Variants in COL17A1 observed in about 807,000 individuals in gnomAD.
COL17A1 encodes collagen alpha-1(XVII) chain.
A neutral mutation model predicts 218.4 loss-of-function variants in COL17A1; 181 were observed. The observed-to-expected ratio is 0.83, with a 90% CI of 0.73 to 0.94. COL17A1 has a LOEUF of 0.94. Among genes scored for constraint, COL17A1 ranks in the 40% least tolerant of loss-of-function variants. The pLI, the probability that COL17A1 is intolerant of heterozygous loss-of-function variation, is 0.00. For missense variants in COL17A1, 1,924 were observed against 1,945.9 expected (o/e 0.99, Z 0.21); for synonymous variants, 721 against 731.0 (o/e 0.99, Z 0.22).
chr10:104,035,863 TATGG>T (rs1564670925), intron 48 of COL17A1, among the ~76,000 whole-genome samples: 1 of 28,592 alleles, frequency 3.5e-5, no homozygotes, highest in African/African-American at 7.5e-5. Flanking sequence ...TATGGGAGTG[TATGG>T]GAGTGTGCGT....
chr10:104,039,852 CTGCTCTACTCTTGCT>C lies in COL17A1; in HGVS notation c.2788+106_2788+120del, dbSNP rs1233979575. 6.4e-6 allele frequency: 9 copies of C among 1,412,244 alleles called. No individual in the cohort carries two copies. In the East Asian group the frequency reaches 2.1e-4, roughly 32 times the overall value. 87.5% of individuals were successfully genotyped at this position (1,412,244 alleles called of 1,614,324 possible). On this transcript the variant is annotated intron_variant, in intron 41 of 55. Transcript: ENST00000648076. ...ACACTCAACCATTCCTAGAGAAACA[CTGCTCTACTCTTGCT>C]TATTTGCACCAGGTGCCTTTCTATC...
At chr10:104,078,390 C>A in intron 3 of COL17A1, 152 bp downstream of exon 3, 2 of 1,001,302 alleles carry the variant, frequency 2.0e-6, no homozygotes. Flanking sequence ...TTATACACTT[C>A]AAACTGGCGA....
chr10:104,046,127 C>T (rs755717911), intron 32 of COL17A1, among the ~76,000 whole-genome samples: 110 of 152,282 alleles, frequency 7.2e-4, no homozygotes, highest in Non-Finnish European at 1.3e-3. Context: ...GGGAGGGGCT[C>T]GGCTTCCTGA....
At position 104,037,627 on chromosome 10, in the gene COL17A1, A is replaced by T. The variant is rs1417455456; in HGVS notation, c.3208+9T>A. The T allele has an allele frequency of 1.2e-6, 2 of 1,614,086 alleles. No individual in the cohort carries two copies. The highest frequency in any genetic ancestry group is 8.5e-7 in the Non-Finnish European group (1 of 1,179,996). Reference sequence around the variant, plus strand: ...AGGTGCCAGGTGCAGGGCGTGGGGAAGGGCTTACTCCGTAAGTAGCTCACA... The same window carrying T: ...AGGTGCCAGGTGCAGGGCGTGGGGATGGGCTTACTCCGTAAGTAGCTCACA... On this transcript the variant is annotated intron_variant, in intron 46 of 55. Transcript: ENST00000648076.
chr10:104,036,008 G>A (rs1459707801), intron 48 of COL17A1, among the ~76,000 whole-genome samples: 1 of 146,528 alleles, frequency 6.8e-6, no homozygotes, highest in Non-Finnish European at 1.5e-5. Flanking sequence ...GCATATGTGA[G>A]TGTGTATGGG....
Position 104,059,783 on chromosome 10 carries a change from T to C in COL17A1, c.1142-65A>G. 2.0e-6 allele frequency: 3 copies of C among 1,531,082 alleles called. No homozygotes were observed. In the South Asian group the frequency reaches 3.4e-5, roughly 17 times the overall value. The allele number at this position is 1,531,082 out of a possible 1,614,324, so 94.8% of individuals were successfully genotyped here. A position where few individuals can be genotyped will look rare whatever the true frequency, so the allele number is the denominator to read the frequency against. On this transcript the variant is annotated intron_variant, in intron 14 of 55. Coordinates refer to ENST00000648076, the MANE Select transcript of COL17A1 (RefSeq NM_000494.4). ...TCAACCTCTCAACTCTGTCCTGTGT[T>C]CCCCCCGCCCTTGCCCACTACCCTG...
chr10:104,063,987 C>T (rs2086604567), intron 10 of COL17A1, among the ~76,000 whole-genome samples, 169 bp from the exon 11 acceptor site: 1 of 152,168 alleles, frequency 6.6e-6, no homozygotes, highest in South Asian at 2.1e-4. Flanking sequence ...GAGAATGAAA[C>T]ACTAGCCTGC....
intron 44 of COL17A1, 49 bp from the exon 45 acceptor site, chr10:104,038,577 A>T: frequency 6.2e-7 from 1 of 1,602,072 alleles, no homozygotes; most frequent in Non-Finnish European, 8.5e-7. Flanking sequence ...CCCTAGGGTC[A>T]GACAAACGGG....
chr10:104,067,334 TAAAAAAAAAA>T, intron 9 of COL17A1, among the ~76,000 whole-genome samples: 1 of 110,430 alleles, frequency 9.1e-6, no homozygotes, highest in East Asian at 2.7e-4. Flanking sequence ...GGCTCAGGAA[TAAAAAAAAAA>T]AAAAAAAAAA....
In COL17A1 at chr10:104,076,369, G is replaced by A. The variant is rs1589577980; in HGVS notation, c.263C>T (p.Ser88Phe). ...TGAGCCTGGGGAGTTGGGCAGAGTG[G>A]AGGCAGGTGAGTGAGCCCTCCTGTA... ...SSYRRAHSPA[S>F]TLPNSPGSTF... The change falls in exon 5 of 56, where the codon TCC becomes TTC. Residue 88 changes from serine (S) to phenylalanine (F), a missense_variant. Transcript: ENST00000648076. 6.2e-7 allele frequency: 1 copy of A among 1,614,098 alleles called. No individual in the cohort carries two copies. Among genetic ancestry groups the A allele is most frequent in the Non-Finnish European group, 8.5e-7 (1 of 1,180,042 alleles).
chr10:104,032,371 G>A (rs1844697430), intron 55 of COL17A1, 81 bp from the exon 56 acceptor site: 8 of 1,163,342 alleles, frequency 6.9e-6, no homozygotes, highest in African/African-American at 4.5e-5. Flanking sequence ...TATGGCAACC[G>A]TGACTACTGC....
intron 25 of COL17A1, 109 bp from the exon 26 acceptor site, chr10:104,051,010 T>A: frequency 2.6e-6 from 4 of 1,557,538 alleles, no homozygotes; most frequent in Non-Finnish European, 3.5e-6. Flanking sequence ...GCACACACCC[T>A]ATAGTAAAAG....
chr10:104,036,485 C>T lies in COL17A1; in HGVS notation c.3418+7G>A, dbSNP rs571608799. 6.2e-7 allele frequency: 1 copy of T among 1,613,856 alleles called. No homozygotes were observed. Among genetic ancestry groups the T allele is most frequent in the African/African-American group, 1.3e-5 (1 of 74,952 alleles). ...CCTTCCCAACCACCCCTCCTGCAGA[C>T]ACTTACTCGACATGTAGCTGAGAAT... is the stretch of plus-strand genomic sequence containing the variant. On this transcript the variant is annotated splice_region_variant and intron_variant, in intron 48 of 55. Coordinates refer to ENST00000648076, the MANE Select transcript of COL17A1 (RefSeq NM_000494.4).
chr10:104,085,870 T>C lies in COL17A1; in HGVS notation c.-159A>G, dbSNP rs1312119231. On this transcript the variant is annotated 5_prime_UTR_variant, in exon 1 of 56. Transcript: ENST00000648076. Reference sequence around the variant, plus strand: ...AGGTGTGTTAAAGCTGAGTGATCTTTCAAAAATGTTCACTTTTCTTTCTCT... The same window carrying C: ...AGGTGTGTTAAAGCTGAGTGATCTTCCAAAAATGTTCACTTTTCTTTCTCT... 6.6e-6 allele frequency: 1 copy of C among 152,638 alleles called. No homozygotes were observed. The highest frequency in any genetic ancestry group is 1.5e-5 in the Non-Finnish European group (1 of 68,040). The allele number at this position is 152,638 out of a possible 1,614,324, so 9.5% of individuals were successfully genotyped here.
chr10:104,067,762 C>T (rs1165551350), intron 9 of COL17A1, among the ~76,000 whole-genome samples: 1 of 151,526 alleles, frequency 6.6e-6, no homozygotes, highest in Non-Finnish European at 1.5e-5. Flanking sequence ...GTTAACATGG[C>T]GAGTGCGCTG....
intron 15 of COL17A1, among the ~76,000 whole-genome samples, chr10:104,058,530 T>C (rs2086552947): frequency 6.6e-6 from 1 of 152,196 alleles, no homozygotes; most frequent in Non-Finnish European, 1.5e-5. Flanking sequence ...CTCTGATTTC[T>C]TGGTTAAGGG....
chr10:104,036,690 G>C (rs2134574287), intron 47 of COL17A1, 58 bp from the exon 48 acceptor site: 2 of 1,600,002 alleles, frequency 1.3e-6, no homozygotes, highest in South Asian at 2.2e-5. Context: ...TCGCAGCCAT[G>C]ATCCAGCCAC....
At chr10:104,041,198 A>T in intron 38 of COL17A1, 80 bp from the exon 39 acceptor site, 1 of 1,607,692 alleles carries the variant, frequency 6.2e-7, no homozygotes, top group Non-Finnish European at 8.5e-7. Context: ...GCAGCAGGGA[A>T]GCTCTTTCCT....
At chr10:104,078,857 G>T (rs2086735096) in intron 2 of COL17A1, among the ~76,000 whole-genome samples, 1 of 152,204 alleles carries the variant, frequency 6.6e-6, no homozygotes, top group Non-Finnish European at 1.5e-5. Context: ...TTGTTTTGCT[G>T]TTGATGTCTC....
Sources: allele counts gnomAD v4.1 joint callset (sites outside exome capture counted in the v4.1 genomes callset), GRCh38; gene constraint gnomAD v4.1.1; transcripts MANE v1.5; gene names NCBI Gene and HGNC (gene_info 2026-07-23, HGNC 2026-07-21).